Variants in PRPF3 observed in about 807,000 individuals in gnomAD.
PRPF3 encodes the protein pre-mRNA processing factor 3.
Under a neutral mutation model 89.2 loss-of-function variants are expected in PRPF3, and 3 were observed. That is an observed-to-expected ratio of 0.03 (90% CI 0.02 to 0.09). The LOEUF is 0.09. Among genes scored for constraint, PRPF3 ranks in the 10% least tolerant of loss-of-function variants. PRPF3 has a pLI of 1.00. For synonymous variants in PRPF3, 270 were observed against 289.1 expected, an observed-to-expected ratio of 0.93 and a Z score of 0.67; for missense variants, 463 against 828.8, an observed-to-expected ratio of 0.56 and a Z score of 5.42.
At chr1:150,329,174 C>T (rs1417916765) in intron 4 of PRPF3, among the ~76,000 whole-genome samples, 1 of 151,724 alleles carries the variant, frequency 6.6e-6, no homozygotes, top group East Asian at 1.9e-4. Context: ...GGACTACATG[C>T]GAACACCACT....
rs1404082622 is a variant in PRPF3, at chr1:150,332,911, CTGTGTGTATGTA to C, written c.508-60_508-49del. On this transcript the variant is annotated intron_variant, in intron 5 of 15. Transcript: ENST00000324862. Reference sequence around the variant, plus strand: ...AGTCTACCATGATGTGTGTGTATATCTGTGTGTATGTATGTGTGTTTGTCTGCCTGTCTTAAT... The same window carrying C: ...AGTCTACCATGATGTGTGTGTATATCTGTGTGTTTGTCTGCCTGTCTTAAT... 5 of 1,509,272 alleles carry C rather than the reference CTGTGTGTATGTA, an allele frequency of 3.3e-6. No individual in the cohort carries two copies. In the East Asian group the frequency reaches 6.8e-5, roughly 20 times the overall value. 93.5% of individuals were successfully genotyped at this position (1,509,272 alleles called of 1,614,324 possible). A position where few individuals can be genotyped will look rare whatever the true frequency, so the allele number is the denominator to read the frequency against.
intron 9 of PRPF3, among the ~76,000 whole-genome samples, chr1:150,341,105 CAAAA>C (rs71086503): frequency 2.8e-4 from 24 of 86,718 alleles, no homozygotes; most frequent in Middle Eastern, 5.3e-3. Flanking sequence ...GACCTTGTCT[CAAAA>C]AAAAAAAAAA....
At position 150,344,437 on chromosome 1, in the gene PRPF3, G is replaced by C. The variant is rs782537493; in HGVS notation, c.1530G>C (p.Ala510=). 1.2e-6 allele frequency: 2 copies of C among 1,614,178 alleles called. No homozygotes were observed. Among genetic ancestry groups the C allele is most frequent in the East Asian group, 4.5e-5 (2 of 44,892 alleles). The change falls in exon 12 of 16, where the codon GCG becomes GCC. Residue 510 remains alanine (A), a synonymous_variant. Transcript: ENST00000324862. ...GATGTCCTTCCTGTCACGACAGAGCGCATGAAGAGGCCAACGCTGCCCGAA... is the reference window on the plus strand; with the variant it reads ...GATGTCCTTCCTGTCACGACAGAGCCCATGAAGAGGCCAACGCTGCCCGAA... ...VRAQMAKRQK[A]HEEANAARKL...
chr1:150,328,424 T>C lies in PRPF3; in HGVS notation c.381T>C (p.Pro127=). The change falls in exon 4 of 16, where the codon CCT becomes CCC. Residue 127 remains proline, a synonymous_variant. Transcript: ENST00000324862. ...TGGAAGAAGAGCCAGAGGTGATCCC[T>C]GGGCCTCCATCAGAGAGCCCTGGCA... is the stretch of plus-strand genomic sequence containing the variant. The part of the protein sequence containing the change: ...EEVEEEPEVI[P]GPPSESPGML... 1 of 1,613,986 alleles carries C rather than the reference T, an allele frequency of 6.2e-7. No individual in the cohort carries two copies. The highest frequency in any genetic ancestry group is 8.5e-7 in the Non-Finnish European group (1 of 1,179,998).
chr1:150,335,272 G>A, intron 7 of PRPF3, 31 bp downstream of exon 7: 1 of 1,596,406 alleles, frequency 6.3e-7, no homozygotes, highest in South Asian at 1.1e-5. Context: ...CACAGAATTT[G>A]GAAAAAGTTA....
Position 150,325,543 on chromosome 1 carries a change from TG to T in PRPF3, c.146-207del, listed in dbSNP as rs782795845. Among the ~76,000 whole-genome samples, 4 of 152,294 alleles carry T rather than the reference TG, an allele frequency of 2.6e-5. No homozygotes were observed. In the East Asian group the frequency reaches 5.8e-4, roughly 22 times the overall value. On this transcript the variant is annotated intron_variant, in intron 2 of 15. Transcript: ENST00000324862. ...TTCAAGGTAAACAGGTTGCTCTAAC[TG>T]CACCACTTCCCACGCCAAAAAATTA...
intron 6 of PRPF3, among the ~76,000 whole-genome samples, chr1:150,334,299 A>T (rs1553866594): frequency 6.6e-6 from 1 of 151,966 alleles, no homozygotes; most frequent in Non-Finnish European, 1.5e-5. Flanking sequence ...GAGTGAGACC[A>T]TGTCTCAAAA....
At chr1:150,334,647 C>T (rs1656782868) in intron 6 of PRPF3, among the ~76,000 whole-genome samples, 1 of 151,990 alleles carries the variant, frequency 6.6e-6, no homozygotes, top group Non-Finnish European at 1.5e-5. Context: ...ATAGAGAAGG[C>T]ACTGCAGCCT....
At chr1:150,329,690 A>G (rs1309791329) in intron 4 of PRPF3, 1 of 152,222 alleles carries the variant, frequency 6.6e-6, no homozygotes, top group Admixed American at 6.5e-5. Flanking sequence ...TGAGGGGGGT[A>G]ATAGAACATA....
rs782686315 is a variant in PRPF3, at chr1:150,344,249, C to A, written c.1514C>A (p.Ala505Glu). ...KVEAHVRAQM[A>E]KRQKAHEEAN... is the part of the protein sequence containing the mutation. ...GAAGCCCACGTCAGAGCTCAGATGG[C>A]AAAAAGACAGAAGTAAGTGCCATGG... is the stretch of plus-strand genomic sequence containing the variant. Residue 505 changes from alanine to glutamate, a missense_variant, in exon 11 of 16, where the codon GCA becomes GAA. Physicochemically the swap from Ala to Glu is moderately radical, Grantham distance 107 (BLOSUM62 -1). Around this residue, in one of 8 missense-constraint regions of PRPF3, gnomAD observed 261 missense variants for 475.8 expected, o/e 0.55. Coordinates refer to ENST00000324862, the MANE Select transcript of PRPF3 (RefSeq NM_004698.4). 1 of 1,614,068 alleles carries A rather than the reference C, an allele frequency of 6.2e-7. No individual in the cohort carries two copies. The highest frequency in any genetic ancestry group is 2.2e-5 in the East Asian group (1 of 44,882).
intron 11 of PRPF3, 55 bp downstream of exon 11, chr1:150,344,316 T>C (rs968701719): frequency 1.9e-6 from 3 of 1,613,728 alleles, no homozygotes; most frequent in Admixed American, 3.3e-5. Context: ...CCCAAACTCT[T>C]CTGGGGGGTC....
chr1:150,331,252 T>C (rs1656338626), intron 4 of PRPF3, among the ~76,000 whole-genome samples: 1 of 152,100 alleles, frequency 6.6e-6, no homozygotes, highest in South Asian at 2.1e-4. Context: ...TTAGCCAGGA[T>C]GGTCTCGATC....
intron 14 of PRPF3, 124 bp downstream of exon 14, chr1:150,346,615 TAGAA>T (rs1658295852): frequency 2.0e-6 from 2 of 987,294 alleles, no homozygotes; most frequent in Admixed American, 2.0e-5. Context: ...TCAGGAATTT[TAGAA>T]AGACCCGTTT....
rs1553866823 is a variant in PRPF3, at chr1:150,334,951, G to T, written c.745G>T (p.Asp249Tyr). 1 of 1,613,990 alleles carries T rather than the reference G, an allele frequency of 6.2e-7. No individual in the cohort carries two copies. Among genetic ancestry groups the T allele is most frequent in the East Asian group, 2.2e-5 (1 of 44,880 alleles). Reference protein sequence around the residue: ...GIAPPKVELKDQTKPTPLILD... With the variant: ...GIAPPKVELKYQTKPTPLILD... ...ATTTTTCAGGAAGGTGGAGTTAAAA[G>T]ACCAAACGAAACCTACACCACTGAT... Residue 249 changes from aspartate (D) to tyrosine (Y), a missense_variant, in exon 7 of 16, where the codon GAC becomes TAC. Around this residue, in one of 8 missense-constraint regions of PRPF3, gnomAD observed 261 missense variants for 475.8 expected, o/e 0.55. Coordinates refer to ENST00000324862, the MANE Select transcript of PRPF3 (RefSeq NM_004698.4).
intron 9 of PRPF3, among the ~76,000 whole-genome samples, chr1:150,341,993 C>G (rs894015715): frequency 1.3e-5 from 2 of 151,970 alleles, no homozygotes; most frequent in Admixed American, 6.6e-5. Flanking sequence ...CGTGAGCCAC[C>G]GCACCTGGCC....
chr1:150,334,617 C>T (rs782626238), intron 6 of PRPF3, among the ~76,000 whole-genome samples: 9 of 152,190 alleles, frequency 5.9e-5, no homozygotes, highest in Non-Finnish European at 1.0e-4. Context: ...CCACCACACC[C>T]GTCCATCCAA....
chr1:150,332,958 T>G (rs781819318), intron 5 of PRPF3, 21 bp from the exon 6 acceptor site: 2 of 1,598,186 alleles, frequency 1.3e-6, no homozygotes, highest in Admixed American at 3.3e-5. Context: ...TTCCTCTGAT[T>G]TCTTTTTCTC....
At position 150,344,297 on chromosome 1, in the gene PRPF3, A is replaced by G. The variant is rs1347100388; in HGVS notation, c.1526+36A>G. Reference sequence around the variant, plus strand: ...TGGGATTGGGTGGAAACCTCGGGCAAGTACCTTTCCCAAACTCTTCTGGGG... The same window carrying G: ...TGGGATTGGGTGGAAACCTCGGGCAGGTACCTTTCCCAAACTCTTCTGGGG... On this transcript the variant is annotated intron_variant, in intron 11 of 15. Coordinates refer to ENST00000324862, the MANE Select transcript of PRPF3 (RefSeq NM_004698.4). 11 of 1,613,820 alleles carry G rather than the reference A, an allele frequency of 6.8e-6. No homozygotes were observed. Among genetic ancestry groups the G allele is most frequent in the Non-Finnish European group, 9.3e-6 (11 of 1,179,870 alleles).
intron 3 of PRPF3, 96 bp from the exon 4 acceptor site, chr1:150,328,224 G>T: frequency 3.4e-6 from 5 of 1,485,474 alleles, no homozygotes; most frequent in Non-Finnish European, 4.7e-6. Context: ...ATATTCCCCT[G>T]GGAATAGCCA....
Sources: allele counts gnomAD v4.1 joint callset (sites outside exome capture counted in the v4.1 genomes callset), GRCh38; gene constraint gnomAD v4.1.1; regional missense constraint gnomAD v4.1.1; transcripts MANE v1.5; gene names NCBI Gene and HGNC (gene_info 2026-07-23, HGNC 2026-07-21).